SBK1: variants seen among roughly 807,000 people sequenced by gnomAD.
SBK1 encodes the protein SH3 domain binding kinase 1.
Under a neutral mutation model 24.4 loss-of-function variants are expected in SBK1, and 11 were observed. The observed-to-expected ratio is 0.45, with a 90% CI of 0.28 to 0.75. The LOEUF (loss-of-function observed/expected upper bound fraction) is 0.75. Among genes scored for constraint, SBK1 ranks in the 30% least tolerant of loss-of-function variants. SBK1 has a pLI of 0.12. For missense variants in SBK1, 467 were observed against 620.5 expected (o/e 0.75, Z 2.63); for synonymous variants, 308 against 284.4 (o/e 1.08, Z -0.83).
In SBK1 at chr16:28,320,833, C is replaced by T; in HGVS notation, c.1187C>T (p.Pro396Leu). 5 of 1,465,628 alleles carry T rather than the reference C, an allele frequency of 3.4e-6. No individual in the cohort carries two copies. Among genetic ancestry groups the T allele is most frequent in the Non-Finnish European group, 4.5e-6 (5 of 1,109,174 alleles). The allele number at this position is 1,465,628 out of a possible 1,614,324, so 90.8% of individuals were successfully genotyped here. A position where few individuals can be genotyped will look rare whatever the true frequency, so the allele number is the denominator to read the frequency against. Reference sequence around the variant, plus strand: ...CCTGTGCCCGAGCCCGGCCTAGCTCCCCAGGGGCCCCCCGGCCGGACCGAC... The same window carrying T: ...CCTGTGCCCGAGCCCGGCCTAGCTCTCCAGGGGCCCCCCGGCCGGACCGAC... ...PVPVPEPGLA[P>L]QGPPGRTDGR... Residue 396 changes from proline (P) to leucine (L), a missense_variant, in exon 4 of 4, where the codon CCC becomes CTC. By Grantham distance (98) the Pro-to-Leu change is moderately conservative (BLOSUM62 -3). Around this residue, in one of 4 missense-constraint regions of SBK1, gnomAD observed 166 missense variants for 146.8 expected, o/e 1.13. Coordinates refer to ENST00000341901, the MANE Select transcript of SBK1 (RefSeq NM_001024401.3). The surrounding 1 kb of genome is among the most constrained non-coding windows in gnomAD (Gnocchi z 8.5).
chr16:28,276,286 A>G (rs2044493505), intron 1 of SBK1, among the ~76,000 whole-genome samples: 1 of 151,966 alleles, frequency 6.6e-6, no homozygotes, highest in African/African-American at 2.4e-5. Context: ...CCTCACCAAG[A>G]CCCCTAGGAG....
chr16:28,282,358 G>T (rs576741713), intron 1 of SBK1, among the ~76,000 whole-genome samples: 1 of 152,140 alleles, frequency 6.6e-6, no homozygotes, highest in Non-Finnish European at 1.5e-5. Context: ...CGGAGGGGAA[G>T]GGGAGAAGGA....
intron 1 of SBK1, among the ~76,000 whole-genome samples, chr16:28,308,740 GGTGTGTGTGTGT>G (rs763015809): frequency 3.7e-4 from 48 of 130,606 alleles, no homozygotes; most frequent in East Asian, 2.4e-3. Flanking sequence ...CGTTCTTTGG[GGTGTGTGTGTGT>G]GTGTGTGTGT....
chr16:28,278,373 G>A (rs1465031515), intron 1 of SBK1, among the ~76,000 whole-genome samples: 3 of 147,644 alleles, frequency 2.0e-5, no homozygotes, highest in African/African-American at 7.6e-5. Context: ...GCAGGATCCT[G>A]CTCTGTCACC....
rs1042711765 is a variant in SBK1 at position 28,320,687 on chromosome 16, G to T, written c.1041G>T (p.Ala347=). ...CCGCCGGGCCACTGCGCCTCGAGGCGCCTGGGCCGCTCAAGCGGACGGTGC... is the reference window on the plus strand; with the variant it reads ...CCGCCGGGCCACTGCGCCTCGAGGCTCCTGGGCCGCTCAAGCGGACGGTGC... ...PPAAGPLRLE[A]PGPLKRTVLT... Residue 347 remains alanine (A), a synonymous_variant, in exon 4 of 4, where the codon GCG becomes GCT. Coordinates refer to ENST00000341901, the MANE Select transcript of SBK1 (RefSeq NM_001024401.3). This position sits in a 1 kb window ranked among gnomAD's most constrained non-coding sequence, Gnocchi z 8.5. 18 of 1,091,002 alleles carry T rather than the reference G, an allele frequency of 1.6e-5. No homozygotes were observed. Among genetic ancestry groups the T allele is most frequent in the Non-Finnish European group, 2.0e-5 (18 of 897,116 alleles). The allele number at this position is 1,091,002 out of a possible 1,614,324, so 67.6% of individuals were successfully genotyped here. A position where few individuals can be genotyped will look rare whatever the true frequency, so the allele number is the denominator to read the frequency against.
At chr16:28,260,084 T>TGTGTGTGTGTGTGTG (rs1555535487) in intron 1 of SBK1, among the ~76,000 whole-genome samples, 21 of 149,940 alleles carry the variant, frequency 1.4e-4, no homozygotes, top group African/African-American at 4.9e-4. Context: ...GTGTATTTGC[T>TGTGTGTGTGTGTGTG]TGTGTGTGTG....
intron 1 of SBK1, among the ~76,000 whole-genome samples, chr16:28,280,290 T>C (rs900219049): frequency 1.4e-5 from 2 of 143,176 alleles, no homozygotes; most frequent in African/African-American, 5.1e-5. Flanking sequence ...TATGTATACA[T>C]ATATATGCAC....
chr16:28,318,941 G>A, intron 2 of SBK1, 54 bp from the exon 3 acceptor site: 1 of 1,349,262 alleles, frequency 7.4e-7, no homozygotes, highest in Non-Finnish European at 1.1e-6. Context: ...GGTGCATCCA[G>A]TGCGGAGGCA....
intron 1 of SBK1, among the ~76,000 whole-genome samples, chr16:28,306,251 G>A (rs531157958): frequency 2.6e-5 from 4 of 152,312 alleles, no homozygotes; most frequent in African/African-American, 9.6e-5. Flanking sequence ...CATCATGGGG[G>A]AAGGGGAGAG....
At chr16:28,309,353 C>T (rs746431667) in intron 1 of SBK1, among the ~76,000 whole-genome samples, 3 of 152,138 alleles carry the variant, frequency 2.0e-5, no homozygotes, top group East Asian at 1.9e-4. Flanking sequence ...GCTGGATGGC[C>T]GCTCTCCAGC....
chr16:28,315,804 C>A (rs1192641297), intron 1 of SBK1, among the ~76,000 whole-genome samples: 1 of 152,062 alleles, frequency 6.6e-6, no homozygotes, highest in Admixed American at 6.5e-5. Context: ...CTTGTTCTGT[C>A]GCCCAGGCTG....
rs904597688 is a variant in SBK1 at position 28,295,441 on chromosome 16, G to A, written c.-8+2141G>A. On this transcript the variant is annotated intron_variant, in intron 1 of 3. Coordinates refer to ENST00000341901, the MANE Select transcript of SBK1 (RefSeq NM_001024401.3). ...TTTTTGAGCTGACCTGAGCTGGCAC[G>A]TAGTAGAGAGCTGAATTTGATTGGT... Among the ~76,000 whole-genome samples, 21 of 152,166 alleles carry A rather than the reference G, an allele frequency of 1.4e-4. 1 individual carries two copies. Among genetic ancestry groups the A allele is most frequent in the East Asian group, 1.9e-4 (1 of 5,200 alleles).
intron 1 of SBK1, among the ~76,000 whole-genome samples, chr16:28,295,505 C>T (rs2044632298): frequency 6.6e-6 from 1 of 152,116 alleles, no homozygotes; most frequent in Non-Finnish European, 1.5e-5. Flanking sequence ...CGTGTGTCTA[C>T]ATGTGCAGTG....
intron 1 of SBK1, among the ~76,000 whole-genome samples, chr16:28,301,891 G>T (rs1458285043): frequency 6.6e-6 from 1 of 152,222 alleles, no homozygotes; most frequent in Non-Finnish European, 1.5e-5. Context: ...CAGCTAAAAA[G>T]GGATGGAGCC....
At position 28,323,336 on chromosome 16, in the gene SBK1, AT is replaced by A. The variant is rs2044872189; in HGVS notation, c.*2416del. 1 of 152,288 alleles carries A rather than the reference AT, an allele frequency of 6.6e-6. No homozygotes were observed. The highest frequency in any genetic ancestry group is 6.6e-5 in the Admixed American group (1 of 15,226). The allele number at this position is 152,288 out of a possible 1,614,324, so 9.4% of individuals were successfully genotyped here. On this transcript the variant is annotated 3_prime_UTR_variant, in exon 4 of 4. Coordinates refer to ENST00000341901, the MANE Select transcript of SBK1 (RefSeq NM_001024401.3). The stretch of plus-strand genomic sequence containing the variant: ...AGACTTAGAAGACAAAAAAAAAAAA[AT>A]CACACAAAAAATCTCCCTTGTTGCG...
chr16:28,275,984 A>G (rs1481165241), intron 1 of SBK1, among the ~76,000 whole-genome samples: 2 of 152,172 alleles, frequency 1.3e-5, no homozygotes, highest in African/African-American at 4.8e-5. Context: ...GAAGAAGGGA[A>G]CCTCTGAAGA....
intron 1 of SBK1, among the ~76,000 whole-genome samples, chr16:28,261,003 G>C (rs1306431412): frequency 6.6e-6 from 1 of 152,100 alleles, no homozygotes; most frequent in Non-Finnish European, 1.5e-5. Flanking sequence ...GTGCAAATAA[G>C]AAACAAAGTG....
intron 1 of SBK1, among the ~76,000 whole-genome samples, chr16:28,280,604 G>A (rs933017512): frequency 1.3e-5 from 2 of 151,858 alleles, no homozygotes; most frequent in African/African-American, 4.8e-5. Flanking sequence ...TTCAGTCCCA[G>A]GTGTGGATAT....
chr16:28,318,207 A>G (rs1357414691), intron 2 of SBK1, among the ~76,000 whole-genome samples: 2 of 152,166 alleles, frequency 1.3e-5, no homozygotes, highest in Non-Finnish European at 2.9e-5. Flanking sequence ...ACTGAGCTTG[A>G]TACCTCCCCC....
Sources: allele counts gnomAD v4.1 joint callset (sites outside exome capture counted in the v4.1 genomes callset), GRCh38; gene constraint gnomAD v4.1.1; regional missense constraint gnomAD v4.1.1; non-coding constraint Gnocchi (gnomAD v3.1); transcripts MANE v1.5; gene names NCBI Gene and HGNC (gene_info 2026-07-23, HGNC 2026-07-21).